Variants in ABRAXAS2 observed in about 807,000 individuals in gnomAD.
The protein encoded by ABRAXAS2 is BRISC complex subunit Abraxas 2.
Under a neutral mutation model 49.0 loss-of-function variants are expected in ABRAXAS2, and 23 were observed. That is an observed-to-expected ratio of 0.47 (90% confidence interval 0.34 to 0.66). The LOEUF (loss-of-function observed/expected upper bound fraction) is 0.66, where lower values mean the gene tolerates loss of function less well. Ranked by LOEUF, ABRAXAS2 falls within the 30% of genes least tolerant of loss-of-function variation. ABRAXAS2 has a pLI of 0.01. For synonymous variants in ABRAXAS2, 168 were observed against 180.2 expected, an observed-to-expected ratio of 0.93 and a Z score of 0.54; for missense variants, 443 against 511.9, an observed-to-expected ratio of 0.87 and a Z score of 1.30.
chr10:124,833,525 A>G (rs1950948387), intron 8 of ABRAXAS2, among the ~76,000 whole-genome samples: 1 of 152,220 alleles, frequency 6.6e-6, no homozygotes, highest in African/African-American at 2.4e-5. Context: ...CGTGTTTTAT[A>G]TACATGTACA....
At chr10:124,804,743 T>G (rs957101596) in intron 1 of ABRAXAS2, among the ~76,000 whole-genome samples, 1 of 147,530 alleles carries the variant, frequency 6.8e-6, no homozygotes, top group Non-Finnish European at 1.5e-5. Context: ...AGACAGAGTC[T>G]TGCTCTGTCA....
rs913997400 is a variant in ABRAXAS2, at chr10:124,835,831, T to C, written c.*860T>C. On this transcript the variant is annotated 3_prime_UTR_variant, in exon 9 of 9. Coordinates refer to ENST00000298492, the MANE Select transcript of ABRAXAS2 (RefSeq NM_032182.4). ...TAGCTGAGTTCATACAGAGGAGATA[T>C]AACTCATTTAGATCTTCTGACAAAT... 1 of 152,402 alleles carries C rather than the reference T, an allele frequency of 6.6e-6. No individual in the cohort carries two copies. The highest frequency in any genetic ancestry group is 2.4e-5 in the African/African-American group (1 of 41,444). 9.4% of individuals were successfully genotyped at this position (152,402 alleles called of 1,614,324 possible).
intron 4 of ABRAXAS2, among the ~76,000 whole-genome samples, chr10:124,824,040 C>G (rs986732881): frequency 6.6e-6 from 1 of 152,190 alleles, no homozygotes; most frequent in African/African-American, 2.4e-5. Context: ...GCCTCAGCCT[C>G]CTGGGTAGCT....
chr10:124,818,624 C>T (rs1022847058), intron 3 of ABRAXAS2, among the ~76,000 whole-genome samples: 1 of 152,176 alleles, frequency 6.6e-6, no homozygotes, highest in South Asian at 2.1e-4. Flanking sequence ...ATCTTGAACT[C>T]CTTTCTGGCT....
At chr10:124,817,977 C>T (rs1238550441) in intron 3 of ABRAXAS2, among the ~76,000 whole-genome samples, 9 of 152,158 alleles carry the variant, frequency 5.9e-5, no homozygotes, top group East Asian at 1.9e-4. Context: ...GTCTGGTCTA[C>T]GAAGGTGTCT....
chr10:124,811,047 G>A (rs1431055979), intron 2 of ABRAXAS2, among the ~76,000 whole-genome samples: 4 of 150,864 alleles, frequency 2.7e-5, no homozygotes, highest in East Asian at 2.0e-4. Context: ...GTGAAACCCC[G>A]TCTCTACTAA....
intron 2 of ABRAXAS2, among the ~76,000 whole-genome samples, chr10:124,816,152 C>T (rs1249533527): frequency 6.6e-6 from 1 of 151,880 alleles, no homozygotes; most frequent in Non-Finnish European, 1.5e-5. Flanking sequence ...CTGTCCGCCT[C>T]AGCTTCCCAA....
intron 4 of ABRAXAS2, among the ~76,000 whole-genome samples, chr10:124,825,732 A>G (rs1950892377): frequency 6.6e-6 from 1 of 152,252 alleles, no homozygotes; most frequent in South Asian, 2.1e-4. Context: ...AGCTGTATGA[A>G]GATTGATCTT....
At chr10:124,825,132 G>T (rs1394774506) in intron 4 of ABRAXAS2, among the ~76,000 whole-genome samples, 2 of 151,948 alleles carry the variant, frequency 1.3e-5, no homozygotes, top group Non-Finnish European at 2.9e-5. Context: ...GACCCACCTA[G>T]CCAACATGGT....
In ABRAXAS2 at chr10:124,801,879, G is replaced by A; in HGVS notation, c.50G>A (p.Ser17Asn). 3 of 1,613,224 alleles carry A rather than the reference G, an allele frequency of 1.9e-6. No homozygotes were observed. In the South Asian group the frequency reaches 3.3e-5, roughly 18 times the overall value. ...GYTFSAVCFH[S>N]ANSNADHEGF... The stretch of plus-strand genomic sequence containing the variant: ...ACCTTCAGTGCTGTGTGTTTCCACA[G>A]CGCCAACAGCAACGCGGACCACGTA... Residue 17 changes from serine to asparagine, a missense_variant, in exon 1 of 9, where the codon AGC (serine) becomes AAC (asparagine). Around this residue, in one of 3 missense-constraint regions of ABRAXAS2, gnomAD observed 47 missense variants for 27.6 expected, o/e 1.70. Coordinates refer to ENST00000298492, the MANE Select transcript of ABRAXAS2 (RefSeq NM_032182.4).
intron 4 of ABRAXAS2, among the ~76,000 whole-genome samples, chr10:124,820,087 G>A (rs1950852443): frequency 6.6e-6 from 1 of 152,208 alleles, no homozygotes. Context: ...TTTTCAACTT[G>A]TCAAACAGAA....
At chr10:124,809,259 G>A (rs1950768765) in intron 2 of ABRAXAS2, among the ~76,000 whole-genome samples, 1 of 152,152 alleles carries the variant, frequency 6.6e-6, no homozygotes, top group African/African-American at 2.4e-5. Context: ...TCTAGTATGT[G>A]GGGTAGGGGA....
intron 2 of ABRAXAS2, among the ~76,000 whole-genome samples, chr10:124,811,449 C>T (rs1034348740): frequency 4.0e-5 from 6 of 151,868 alleles, no homozygotes; most frequent in African/African-American, 1.5e-4. Context: ...GAAATAGGGC[C>T]GGGCACGGTG....
intron 2 of ABRAXAS2, among the ~76,000 whole-genome samples, chr10:124,808,553 C>T (rs1246381631): frequency 6.6e-6 from 1 of 152,134 alleles, no homozygotes; most frequent in Non-Finnish European, 1.5e-5. Flanking sequence ...AGAATCATCC[C>T]TGCCTCCTAG....
intron 7 of ABRAXAS2, 92 bp from the exon 8 acceptor site, chr10:124,831,257 T>C: frequency 1.3e-6 from 1 of 777,178 alleles, no homozygotes; most frequent in Admixed American, 2.3e-5. Context: ...ATAAACCATC[T>C]GGACTTTTCC....
intron 1 of ABRAXAS2, among the ~76,000 whole-genome samples, chr10:124,805,034 G>A (rs1374852864): frequency 6.6e-6 from 1 of 151,976 alleles, no homozygotes; most frequent in Non-Finnish European, 1.5e-5. Context: ...CTAAGTTTAA[G>A]AAATGCTTTG....
At chr10:124,826,880 G>C in intron 5 of ABRAXAS2, 95 bp downstream of exon 5, 2 of 1,178,670 alleles carry the variant, frequency 1.7e-6, no homozygotes, top group Non-Finnish European at 2.4e-6. Flanking sequence ...TTGGAAGGCT[G>C]AGGCGGATGG....
At chr10:124,811,964 A>G (rs987536822) in intron 2 of ABRAXAS2, among the ~76,000 whole-genome samples, 2 of 152,018 alleles carry the variant, frequency 1.3e-5, no homozygotes, top group Non-Finnish European at 2.9e-5. Flanking sequence ...TTTAGGAGAG[A>G]CGGGGTTTCT....
chr10:124,826,532 G>T (rs571780318), intron 4 of ABRAXAS2, 63 bp from the exon 5 acceptor site: 87 of 1,509,618 alleles, frequency 5.8e-5, no homozygotes, highest in Non-Finnish European at 7.5e-5. Flanking sequence ...ATGTGTGTTT[G>T]TATGGATACA....
Sources: allele counts gnomAD v4.1 joint callset (sites outside exome capture counted in the v4.1 genomes callset), GRCh38; gene constraint gnomAD v4.1.1; regional missense constraint gnomAD v4.1.1; transcripts MANE v1.5; gene names NCBI Gene and HGNC (gene_info 2026-07-23, HGNC 2026-07-21).